ATF7: variants seen among roughly 807,000 people sequenced by gnomAD.
ATF7 encodes the protein cyclic AMP-dependent transcription factor ATF-7.
ATF7 carries 10 observed loss-of-function variants against 50.4 expected under a neutral mutation model. The ratio of observed to expected loss-of-function variants is 0.20; its 90% CI spans 0.12 to 0.34. ATF7 has a LOEUF of 0.34. Among genes scored for constraint, ATF7 ranks in the 10% least tolerant of loss-of-function variants. The probability of loss-of-function intolerance (pLI) is 1.00; values close to 1 mark genes in which losing one functional copy is unlikely to be tolerated. For missense variants in ATF7, 465 were observed against 613.9 expected (o/e 0.76, Z 2.56); for synonymous variants, 201 against 226.4 (o/e 0.89, Z 1.01).
chr12:53,544,503 T>C (rs1592832714), intron 3 of ATF7, among the ~76,000 whole-genome samples: 1 of 151,996 alleles, frequency 6.6e-6, no homozygotes, highest in East Asian at 1.9e-4. Flanking sequence ...TCCCAGCACG[T>C]TGGGAGGCTG....
chr12:53,564,554 T>A (rs919452724), intron 2 of ATF7, among the ~76,000 whole-genome samples: 2 of 152,204 alleles, frequency 1.3e-5, no homozygotes, highest in Non-Finnish European at 2.9e-5. Flanking sequence ...AATATGAGCA[T>A]ATGAGCATCT....
chr12:53,552,721 C>CA, intron 2 of ATF7, 84 bp from the exon 3 acceptor site: 1 of 1,016,442 alleles, frequency 9.8e-7, no homozygotes, highest in Non-Finnish European at 1.5e-6. Context: ...TACCAAACAT[C>CA]TTGCAATGAG....
intron 2 of ATF7, among the ~76,000 whole-genome samples, chr12:53,559,952 C>T (rs576031418): frequency 7.9e-5 from 12 of 152,092 alleles, no homozygotes; most frequent in Non-Finnish European, 1.3e-4. Context: ...GATGGAGTTT[C>T]GCTCTTGTTG....
At position 53,524,579 on chromosome 12, in the gene ATF7, C is replaced by T. The variant is rs1348115201; in HGVS notation, c.1110G>A (p.Gln370=). The T allele has an allele frequency of 1.2e-6, 2 of 1,613,792 alleles. No homozygotes were observed. Among genetic ancestry groups the T allele is most frequent in the Non-Finnish European group, 1.7e-6 (2 of 1,179,910 alleles). The change falls in exon 10 of 12, where the codon CAG becomes CAA. Residue 370 remains glutamine (Q), a synonymous_variant. Coordinates refer to ENST00000420353, the MANE Select transcript of ATF7 (RefSeq NM_006856.3). This position sits in a 1 kb window ranked among gnomAD's most constrained non-coding sequence, Gnocchi z 4.6. The part of the protein sequence containing the change: ...LEKKAEELTS[Q]NIQLSNEVTL... ...ACCCACTCACACTCAGCTGAATGTT[C>T]TGAGAAGTGAGTTCTTCGGCCTTCT... is the stretch of plus-strand genomic sequence containing the variant.
At chr12:53,535,380 T>C (rs958729292) in intron 5 of ATF7, among the ~76,000 whole-genome samples, 2 of 151,114 alleles carry the variant, frequency 1.3e-5, no homozygotes, top group Admixed American at 6.6e-5. Context: ...GTAATGTTTA[T>C]GAGAAGACAG....
chr12:53,607,448 T>G (rs1362443963), intron 1 of ATF7, among the ~76,000 whole-genome samples: 1 of 152,184 alleles, frequency 6.6e-6, no homozygotes, highest in Non-Finnish European at 1.5e-5. Flanking sequence ...GTCTCTCTAT[T>G]CTAAGGATAA....
chr12:53,532,723 T>C (rs1938981569), intron 7 of ATF7, 100 bp from the exon 8 acceptor site: 1 of 824,474 alleles, frequency 1.2e-6, no homozygotes, highest in Admixed American at 2.4e-5. Context: ...GATTGGCACA[T>C]CAGGGCCTGT....
chr12:53,575,299 G>A (rs1261315573), intron 2 of ATF7, among the ~76,000 whole-genome samples: 1 of 151,820 alleles, frequency 6.6e-6, no homozygotes, highest in African/African-American at 2.4e-5. Flanking sequence ...CCCAGCTGCT[G>A]GGGAGGCTGA....
intron 1 of ATF7, among the ~76,000 whole-genome samples, chr12:53,610,441 T>A (rs55753058): frequency 0.17 from 25,781 of 151,734 alleles, 2,916 homozygotes; most frequent in South Asian, 0.3. Flanking sequence ...GGCAGGCACC[T>A]GTAATCCCAG....
intron 2 of ATF7, among the ~76,000 whole-genome samples, chr12:53,562,652 T>G (rs1192350525): frequency 6.6e-6 from 1 of 151,862 alleles, no homozygotes; most frequent in Non-Finnish European, 1.5e-5. Context: ...AAAAAAATTT[T>G]TTTTTGCCCA....
intron 2 of ATF7, among the ~76,000 whole-genome samples, chr12:53,565,103 C>T (rs1411519978): frequency 6.6e-6 from 1 of 152,080 alleles, no homozygotes; most frequent in African/African-American, 2.4e-5. Context: ...TTCCTTGTTC[C>T]TTCCTCCTGA....
At chr12:53,528,457 G>C (rs921436032) in intron 9 of ATF7, among the ~76,000 whole-genome samples, 1 of 151,730 alleles carries the variant, frequency 6.6e-6, no homozygotes, top group African/African-American at 2.4e-5. Flanking sequence ...GTGAAACCCC[G>C]TCTCTACTAA....
intron 2 of ATF7, among the ~76,000 whole-genome samples, chr12:53,586,486 C>G (rs193212830): frequency 6.6e-6 from 1 of 151,996 alleles, no homozygotes; most frequent in African/African-American, 2.4e-5. Context: ...TATACAAACT[C>G]CAGGTATGTA....
At chr12:53,525,508 C>T (rs1032725267) in intron 9 of ATF7, among the ~76,000 whole-genome samples, 6 of 152,152 alleles carry the variant, frequency 3.9e-5, no homozygotes, top group Admixed American at 3.9e-4. Flanking sequence ...CATACTATTA[C>T]AGGTTTCAGA....
At chr12:53,537,338 G>A (rs1236095512) in intron 5 of ATF7, 77 bp downstream of exon 5, 2 of 1,559,576 alleles carry the variant, frequency 1.3e-6, no homozygotes, top group African/African-American at 2.7e-5. Context: ...TGAGTAGTTA[G>A]GACATACTAT....
intron 2 of ATF7, among the ~76,000 whole-genome samples, chr12:53,595,678 T>C (rs2137795688): frequency 6.6e-6 from 1 of 152,254 alleles, no homozygotes; most frequent in East Asian, 1.9e-4. Context: ...AAATGCCAAG[T>C]GAAGCCAGGA....
intron 11 of ATF7, among the ~76,000 whole-genome samples, chr12:53,521,403 C>CATAAAATGAGA (rs1938120651): frequency 6.6e-6 from 1 of 152,152 alleles, no homozygotes; most frequent in African/African-American, 2.4e-5. Context: ...GCTATTACGT[C>CATAAAATGAGA]CCCTACTTGT....
At chr12:53,580,339 C>T (rs960609951) in intron 2 of ATF7, among the ~76,000 whole-genome samples, 1 of 149,114 alleles carries the variant, frequency 6.7e-6, no homozygotes, top group Admixed American at 6.7e-5. Flanking sequence ...TATGAGAAAA[C>T]CCCTTTAATA....
intron 2 of ATF7, among the ~76,000 whole-genome samples, chr12:53,561,804 T>C (rs1941132561): frequency 6.6e-6 from 1 of 152,242 alleles, no homozygotes; most frequent in Non-Finnish European, 1.5e-5. Context: ...CTTAAATGAA[T>C]CATTTCAAAG....
Sources: gnomAD v4.1 joint callset for allele counts (sites outside exome capture counted in the v4.1 genomes callset) on GRCh38, gnomAD v4.1.1 for gene constraint, Gnocchi (gnomAD v3.1) non-coding constraint, MANE v1.5 for transcripts, NCBI Gene and HGNC (gene_info 2026-07-23, HGNC 2026-07-21) for gene names.